TESC: variants seen among roughly 807,000 people sequenced by gnomAD.
TESC encodes the protein tescalcin, also known as calcineurin B homologous protein 3.
Under a neutral mutation model 31.0 loss-of-function variants are expected in TESC, and 19 were observed. The ratio of observed to expected loss-of-function variants is 0.61; its 90% CI spans 0.43 to 0.90. The LOEUF is 0.90. Ranked by LOEUF, TESC falls within the 40% of genes least tolerant of loss-of-function variation. The probability of loss-of-function intolerance (pLI) is 0.00; values close to 1 mark genes in which losing one functional copy is unlikely to be tolerated. For missense variants in TESC, 248 were observed against 303.8 expected (o/e 0.82, Z 1.36); for synonymous variants, 109 against 114.8 (o/e 0.95, Z 0.32).
intron 2 of TESC, among the ~76,000 whole-genome samples, chr12:117,071,809 G>A (rs893857444): frequency 1.3e-5 from 2 of 152,136 alleles, no homozygotes; most frequent in Admixed American, 6.5e-5. Flanking sequence ...AGCACAGAGA[G>A]GCCGCGCCAG....
At chr12:117,046,299 G>A (rs1488418832) in intron 6 of TESC, among the ~76,000 whole-genome samples, 1 of 152,164 alleles carries the variant, frequency 6.6e-6, no homozygotes, top group African/African-American at 2.4e-5. Flanking sequence ...GGGATCAGGG[G>A]GCTATGCAGG....
At chr12:117,058,113 G>A (rs528870579) in intron 2 of TESC, among the ~76,000 whole-genome samples, 9 of 152,166 alleles carry the variant, frequency 5.9e-5, no homozygotes, top group Admixed American at 3.9e-4. Context: ...CCAGCTACTT[G>A]GGAACCTCAG....
intron 3 of TESC, among the ~76,000 whole-genome samples, chr12:117,050,106 T>C (rs1954625892): frequency 6.6e-6 from 1 of 151,874 alleles, no homozygotes; most frequent in Admixed American, 6.6e-5. Flanking sequence ...CTGGCCGGTT[T>C]TCACATTTTT....
At chr12:117,040,376 G>A (rs894822424) in intron 7 of TESC, among the ~76,000 whole-genome samples, 1 of 152,216 alleles carries the variant, frequency 6.6e-6, no homozygotes, top group African/African-American at 2.4e-5. Flanking sequence ...GGAATGGGAA[G>A]GGCCAGCTGG....
intron 7 of TESC, among the ~76,000 whole-genome samples, chr12:117,041,552 C>T (rs1954483863): frequency 6.6e-6 from 1 of 152,128 alleles, no homozygotes. Context: ...AAGCTGGTCT[C>T]GAACTCCTGA....
intron 2 of TESC, among the ~76,000 whole-genome samples, chr12:117,063,658 GCACTGAGGGAGGC>G (rs1954829771): frequency 6.6e-6 from 1 of 152,194 alleles, no homozygotes; most frequent in East Asian, 1.9e-4. Context: ...AGGGCTCCCT[GCACTGAGGGAGGC>G]CACTTTGCCG....
rs1565963223 is a variant in TESC, at chr12:117,056,847, G to A, written c.168C>T (p.Asn56=). ...CACGAACAATTTTGGATCGGATGGG[G>A]TTGAGCTCCAGGTCCGGGACATTGT... The part of the protein sequence containing the change: ...NFNNVPDLEL[N]PIRSKIVRAF... Residue 56 remains asparagine, a synonymous_variant, in exon 3 of 8, where the codon AAC becomes AAT. Coordinates refer to ENST00000335209, the MANE Select transcript of TESC (RefSeq NM_017899.4). The A allele has an allele frequency of 1.2e-6, 2 of 1,614,070 alleles. No individual in the cohort carries two copies. Among genetic ancestry groups the A allele is most frequent in the Non-Finnish European group, 1.7e-6 (2 of 1,180,034 alleles).
chr12:117,040,169 C>A (rs1954461246), intron 7 of TESC, among the ~76,000 whole-genome samples: 1 of 152,226 alleles, frequency 6.6e-6, no homozygotes, highest in African/African-American at 2.4e-5. Flanking sequence ...CCGGCCGCAG[C>A]CCCCAGGTAC....
Position 117,089,848 on chromosome 12 carries a change from T to C in TESC, c.58+9377A>G, listed in dbSNP as rs12298518. On this transcript the variant is annotated intron_variant, in intron 1 of 7. Transcript: ENST00000335209. The stretch of plus-strand genomic sequence containing the variant: ...GATAATATTTTCATAATGGAAGATA[T>C]GATCTTTCTTTAGAATCAAACAACA... Among the ~76,000 whole-genome samples the C allele has an allele frequency of 4.9e-3, 741 of 152,320 alleles. 3 individuals are homozygous for C. Among genetic ancestry groups the C allele is most frequent in the African/African-American group, 0.017 (687 of 41,568 alleles).
intron 2 of TESC, among the ~76,000 whole-genome samples, chr12:117,071,405 G>A (rs1303028129): frequency 6.6e-6 from 1 of 152,000 alleles, no homozygotes; most frequent in African/African-American, 2.4e-5. Flanking sequence ...TGCTGTGAAT[G>A]TTGGGATGGG....
At chr12:117,081,213 C>A (rs376001218) in intron 1 of TESC, among the ~76,000 whole-genome samples, 1 of 152,074 alleles carries the variant, frequency 6.6e-6, no homozygotes. Context: ...CTGAGATGGG[C>A]TGAAGTGGAA....
At chr12:117,093,416 C>T (rs575882896) in intron 1 of TESC, among the ~76,000 whole-genome samples, 12 of 152,260 alleles carry the variant, frequency 7.9e-5, no homozygotes, top group East Asian at 3.9e-4. Flanking sequence ...GAATGGAATC[C>T]GACTCTCTTT....
At chr12:117,080,088 T>A (rs1955125355) in intron 1 of TESC, among the ~76,000 whole-genome samples, 2 of 152,264 alleles carry the variant, frequency 1.3e-5, no homozygotes, top group South Asian at 4.1e-4. Flanking sequence ...CTCTGGGATG[T>A]GCCCAAGGTC....
rs939092227 is a variant in TESC at position 117,099,378 on chromosome 12, G to A, written c.-96C>T. 9.1e-6 allele frequency: 11 copies of A among 1,209,188 alleles called. No individual in the cohort carries two copies. Among genetic ancestry groups the A allele is most frequent in the African/African-American group, 1.6e-5 (1 of 62,592 alleles). The allele number at this position is 1,209,188 out of a possible 1,614,324, so 74.9% of individuals were successfully genotyped here. The stretch of plus-strand genomic sequence containing the variant: ...CGGGACTGGCCTCGGGTCCGGCCTC[G>A]GGTCGGGACGCCGGCGAAGGCTCGG... On this transcript the variant is annotated 5_prime_UTR_variant, in exon 1 of 8. Coordinates refer to ENST00000335209, the MANE Select transcript of TESC (RefSeq NM_017899.4).
At chr12:117,075,869 A>ATATATATGTG in intron 1 of TESC, among the ~76,000 whole-genome samples, 1 of 31,448 alleles carries the variant, frequency 3.2e-5, no homozygotes, top group African/African-American at 8.3e-5. Context: ...ATATATATAT[A>ATATATATGTG]TGTGTGTATA....
chr12:117,099,329 G>A lies in TESC; in HGVS notation c.-47C>T. On this transcript the variant is annotated 5_prime_UTR_variant, in exon 1 of 8. Coordinates refer to ENST00000335209, the MANE Select transcript of TESC (RefSeq NM_017899.4). ...GGGGCGCGCGTCCCTCTCAGGCCCC[G>A]CACTGGCTTCGGCTGCGCAGCGGCG... is the stretch of plus-strand genomic sequence containing the variant. The A allele has an allele frequency of 1.4e-6, 2 of 1,395,366 alleles. No individual in the cohort carries two copies. Among genetic ancestry groups the A allele is most frequent in the Admixed American group, 3.2e-5 (1 of 31,616 alleles). 86.4% of individuals were successfully genotyped at this position (1,395,366 alleles called of 1,614,324 possible).
chr12:117,060,240 T>C (rs1237481012), intron 2 of TESC, among the ~76,000 whole-genome samples: 2 of 152,166 alleles, frequency 1.3e-5, no homozygotes, highest in East Asian at 3.8e-4. Context: ...ACTCCATTTA[T>C]GTAAAGAACA....
intron 1 of TESC, among the ~76,000 whole-genome samples, chr12:117,081,040 C>T (rs1239879287): frequency 2.0e-5 from 3 of 152,182 alleles, no homozygotes; most frequent in Non-Finnish European, 4.4e-5. Context: ...AGATTTCAAC[C>T]TGAGGGAAAT....
chr12:117,053,255 G>A lies in TESC; in HGVS notation c.209+3551C>T, dbSNP rs962613663. 6.6e-5 allele frequency among the ~76,000 whole-genome samples: 10 copies of A among 152,324 alleles called. No individual in the cohort carries two copies. The East Asian group carries it at 1.5e-3, about 24-fold the overall frequency. ...AAAGGAGGAGGAGGCTACTGCCTCC[G>A]TCTGCCTGTCCCTAAGTCTGGCAGC... On this transcript the variant is annotated intron_variant, in intron 3 of 7. Transcript: ENST00000335209.
Sources: gnomAD v4.1 joint callset for allele counts (sites outside exome capture counted in the v4.1 genomes callset) on GRCh38, gnomAD v4.1.1 for gene constraint, MANE v1.5 for transcripts, NCBI Gene and HGNC (gene_info 2026-07-23, HGNC 2026-07-21) for gene names.